Variants in KHDRBS3 observed in about 807,000 individuals in gnomAD.
KHDRBS3 encodes the protein KH domain-containing, RNA-binding, signal transduction-associated protein 3.
In KHDRBS3, 23 loss-of-function variants were observed where a neutral mutation model predicts 45.6. That is an observed-to-expected ratio of 0.50 (90% CI 0.36 to 0.72). The LOEUF is 0.72. KHDRBS3 is among the 30% of genes least tolerant of loss of function. KHDRBS3 has a pLI of 0.00. For missense variants in KHDRBS3, 352 were observed against 424.8 expected (o/e 0.83, Z 1.51); for synonymous variants, 162 against 156.5 (o/e 1.04, Z -0.26).
chr8:135,523,394 A>C (rs1183686604), intron 2 of KHDRBS3, among the ~76,000 whole-genome samples: 2 of 151,674 alleles, frequency 1.3e-5, no homozygotes, highest in Non-Finnish European at 2.9e-5. Flanking sequence ...CGTAAATTGA[A>C]TATTTTTAAA....
At chr8:135,587,532 G>C (rs748521862) in intron 6 of KHDRBS3, among the ~76,000 whole-genome samples, 204 of 152,280 alleles carry the variant, frequency 1.3e-3, no homozygotes, top group Non-Finnish European at 1.2e-3. Flanking sequence ...TTTTAACTTA[G>C]TAAAATTAGA....
At chr8:135,492,129 A>G (rs1363639685) in intron 1 of KHDRBS3, among the ~76,000 whole-genome samples, 1 of 152,196 alleles carries the variant, frequency 6.6e-6, no homozygotes, top group African/African-American at 2.4e-5. Context: ...AAGGTATCAA[A>G]TAGAATGCTG....
intron 4 of KHDRBS3, among the ~76,000 whole-genome samples, chr8:135,551,093 C>T (rs537754787): frequency 3.6e-4 from 54 of 151,902 alleles, no homozygotes; most frequent in African/African-American, 1.2e-3. Flanking sequence ...TCTTGCCAAA[C>T]GTGTTTATTA....
At chr8:135,534,343 G>A (rs958293834) in intron 2 of KHDRBS3, among the ~76,000 whole-genome samples, 3 of 151,884 alleles carry the variant, frequency 2.0e-5, no homozygotes, top group Non-Finnish European at 1.5e-5. Flanking sequence ...TATATTCTAG[G>A]TTTTGTTTTA....
intron 7 of KHDRBS3, among the ~76,000 whole-genome samples, chr8:135,642,830 G>C (rs1831120268): frequency 6.8e-6 from 1 of 147,622 alleles, no homozygotes; most frequent in Admixed American, 6.8e-5. Context: ...GTCTCGCTCT[G>C]TCGCCAGGCT....
intron 1 of KHDRBS3, among the ~76,000 whole-genome samples, chr8:135,462,676 T>G (rs1233057932): frequency 2.0e-5 from 3 of 152,046 alleles, no homozygotes; most frequent in African/African-American, 7.3e-5. Context: ...GATGGAGAGG[T>G]TATTAGCCTA....
intron 1 of KHDRBS3, among the ~76,000 whole-genome samples, chr8:135,471,584 G>T (rs1822016605): frequency 6.6e-6 from 1 of 152,226 alleles, no homozygotes; most frequent in South Asian, 2.1e-4. Context: ...ACGGCACTGT[G>T]GTGCTGCATG....
chr8:135,616,728 C>T (rs188692787), intron 7 of KHDRBS3, among the ~76,000 whole-genome samples: 3 of 152,216 alleles, frequency 2.0e-5, no homozygotes, highest in South Asian at 2.1e-4. Context: ...TTCTAAAAAG[C>T]GCTTGTGTTG....
At chr8:135,547,764 TTCTTA>T (rs1311748213) in intron 3 of KHDRBS3, among the ~76,000 whole-genome samples, 11 of 152,270 alleles carry the variant, frequency 7.2e-5, no homozygotes, top group East Asian at 3.9e-4. Context: ...CTAGAAAGAT[TTCTTA>T]TCTTTTGGAA....
At chr8:135,503,300 T>C (rs1047352494) in intron 1 of KHDRBS3, among the ~76,000 whole-genome samples, 1 of 152,348 alleles carries the variant, frequency 6.6e-6, no homozygotes, top group Non-Finnish European at 1.5e-5. Flanking sequence ...TTAGGGAAAC[T>C]GCTTTATCCA....
downstream of KHDRBS3, among the ~76,000 whole-genome samples, chr8:135,651,189 C>A (rs536885771): frequency 6.6e-6 from 1 of 152,160 alleles, no homozygotes; most frequent in Admixed American, 6.6e-5. Context: ...TCCATACTTC[C>A]GCTCTGCCCT....
chr8:135,516,341 C>G (rs6992764), intron 1 of KHDRBS3, among the ~76,000 whole-genome samples: 99,957 of 151,980 alleles, frequency 0.66, 33,790 homozygotes, highest in East Asian at 0.96. Context: ...ATACATCTGG[C>G]AGCATGGAAG....
intron 6 of KHDRBS3, among the ~76,000 whole-genome samples, chr8:135,596,819 G>A (rs373913150): frequency 6.6e-6 from 1 of 152,128 alleles, no homozygotes; most frequent in Admixed American, 6.5e-5. Context: ...GAACTAGTAC[G>A]CTGGAAGTTA....
At chr8:135,546,890 C>T (rs1163891491) in intron 3 of KHDRBS3, among the ~76,000 whole-genome samples, 3 of 152,062 alleles carry the variant, frequency 2.0e-5, no homozygotes, top group Non-Finnish European at 4.4e-5. Flanking sequence ...TGGGATTGTA[C>T]CCTGGCTACA....
At chr8:135,521,407 G>A in intron 2 of KHDRBS3, 52 bp downstream of exon 2, 2 of 961,854 alleles carry the variant, frequency 2.1e-6, no homozygotes. Flanking sequence ...TCAAAGGGGA[G>A]CAGATGTTTA....
At chr8:135,561,496 T>A (rs1214863034) in intron 5 of KHDRBS3, among the ~76,000 whole-genome samples, 7 of 151,938 alleles carry the variant, frequency 4.6e-5, no homozygotes, top group African/African-American at 1.7e-4. Context: ...CTCTCCTCTC[T>A]GCTTGGTCCT....
intron 4 of KHDRBS3, chr8:135,549,990 G>A (rs1330782488): frequency 2.0e-5 from 3 of 152,124 alleles, no homozygotes; most frequent in Non-Finnish European, 4.4e-5. Flanking sequence ...AAATTTCTAA[G>A]GGCTTACTAT....
chr8:135,549,911 A>G (rs1353476397), intron 4 of KHDRBS3: 5 of 152,208 alleles, frequency 3.3e-5, no homozygotes, highest in African/African-American at 1.2e-4. Context: ...GGGAACTGAA[A>G]TGGCTAGTAT....
chr8:135,517,811 G>C (rs1210246551), intron 1 of KHDRBS3, among the ~76,000 whole-genome samples: 2 of 151,996 alleles, frequency 1.3e-5, no homozygotes, highest in African/African-American at 4.8e-5. Context: ...ATGGCATCAG[G>C]CTTAAAAAAT....
Sources: allele counts gnomAD v4.1 joint callset (sites outside exome capture counted in the v4.1 genomes callset), GRCh38; gene constraint gnomAD v4.1.1; transcripts MANE v1.5; gene names NCBI Gene and HGNC (gene_info 2026-07-23, HGNC 2026-07-21).